The following RNF220 variants were observed in gnomAD, a reference collection of about 807,000 sequenced individuals.
RNF220 encodes E3 ubiquitin-protein ligase RNF220.
In RNF220, 7 loss-of-function variants were observed where a neutral mutation model predicts 67.1. The ratio of observed to expected loss-of-function variants is 0.10; its 90% CI spans 0.06 to 0.20. The LOEUF is 0.20. Ranked by LOEUF, RNF220 falls within the 10% of genes least tolerant of loss-of-function variation. The pLI, the probability that RNF220 is intolerant of heterozygous loss-of-function variation, is 1.00. For synonymous variants in RNF220, 270 were observed against 283.2 expected (o/e 0.95, Z 0.47); for missense variants, 565 against 740.3 (o/e 0.76, Z 2.75).
At chr1:44,537,185 A>C (rs961241461) in intron 2 of RNF220, among the ~76,000 whole-genome samples, 1 of 151,984 alleles carries the variant, frequency 6.6e-6, no homozygotes, top group Non-Finnish European at 1.5e-5. Flanking sequence ...ACACACACAC[A>C]AACACCTTTC....
At chr1:44,481,294 G>A (rs910039920) in intron 2 of RNF220, among the ~76,000 whole-genome samples, 4 of 152,010 alleles carry the variant, frequency 2.6e-5, no homozygotes, top group Non-Finnish European at 4.4e-5. Context: ...GTTTGATGAC[G>A]TGCACCTGTA....
chr1:44,562,488 G>C (rs1663650654), intron 2 of RNF220, among the ~76,000 whole-genome samples: 1 of 152,204 alleles, frequency 6.6e-6, no homozygotes, highest in African/African-American at 2.4e-5. Context: ...ACTTTAACAA[G>C]CATCCATAGG....
intron 2 of RNF220, among the ~76,000 whole-genome samples, chr1:44,481,738 CAA>C (rs1655831952): frequency 1.3e-5 from 2 of 152,052 alleles, no homozygotes; most frequent in African/African-American, 4.8e-5. Context: ...GATGTGGAAT[CAA>C]GAGAGAGAAC....
Position 44,600,592 on chromosome 1 carries a change from G to A in RNF220, c.626-13573G>A, listed in dbSNP as rs1319977166. Among the ~76,000 whole-genome samples the A allele has an allele frequency of 6.6e-6, 1 of 152,098 alleles. No homozygotes were observed. The highest frequency in any genetic ancestry group is 1.5e-5 in the Non-Finnish European group (1 of 68,000). Reference sequence around the variant, plus strand: ...TCCCAGCACTTTGGGAGGCCGAGGTGGATGGATCACCTGAGGTCAGGAGTT... The same window carrying A: ...TCCCAGCACTTTGGGAGGCCGAGGTAGATGGATCACCTGAGGTCAGGAGTT... On this transcript the variant is annotated intron_variant, in intron 2 of 14. Transcript: ENST00000361799. The surrounding 1 kb of genome is among the most constrained non-coding windows in gnomAD (Gnocchi z 4.0).
At chr1:44,615,085 G>A (rs555570598) in intron 3 of RNF220, among the ~76,000 whole-genome samples, 7 of 152,256 alleles carry the variant, frequency 4.6e-5, no homozygotes, top group Non-Finnish European at 8.8e-5. Flanking sequence ...GATGCTGGCT[G>A]TCAGCTGGGA....
chr1:44,646,653 G>T (rs374297262), intron 12 of RNF220, among the ~76,000 whole-genome samples: 2 of 152,232 alleles, frequency 1.3e-5, no homozygotes, highest in African/African-American at 4.8e-5. Context: ...TGGCGCCCGA[G>T]GGGGAGGTGG....
rs569270455 is a variant in RNF220 at position 44,649,813 on chromosome 1, C to T, written c.1554+44C>T. On this transcript the variant is annotated intron_variant, in intron 13 of 14. Coordinates refer to ENST00000361799, the MANE Select transcript of RNF220 (RefSeq NM_018150.4). This position sits in a 1 kb window ranked among gnomAD's most constrained non-coding sequence, Gnocchi z 5.9. Reference sequence around the variant, plus strand: ...AGGGGTGCCCTTGGTCAGGCTTCCACGCCCTCTGGGGGAGTTGGAGAGGGT... The same window carrying T: ...AGGGGTGCCCTTGGTCAGGCTTCCATGCCCTCTGGGGGAGTTGGAGAGGGT... The T allele has an allele frequency of 3.5e-5, 56 of 1,613,144 alleles. No individual in the cohort carries two copies. In the East Asian group the frequency reaches 5.1e-4, roughly 15 times the overall value.
chr1:44,609,768 T>C (rs1557433875), intron 2 of RNF220, among the ~76,000 whole-genome samples: 1 of 152,254 alleles, frequency 6.6e-6, no homozygotes, highest in East Asian at 1.9e-4. Context: ...TCGACAGGCC[T>C]GTCCTTCGCA....
chr1:44,458,376 C>T lies in RNF220; in HGVS notation c.625+45654C>T, dbSNP rs543021070. On this transcript the variant is annotated intron_variant, in intron 2 of 14. Transcript: ENST00000361799. Reference sequence around the variant, plus strand: ...TTTACTAATATCATAATGGTTAGGACAGTCTCTCAAGCCAGACCACCTGGG... The same window carrying T: ...TTTACTAATATCATAATGGTTAGGATAGTCTCTCAAGCCAGACCACCTGGG... Among the ~76,000 whole-genome samples the T allele has an allele frequency of 2.0e-4, 30 of 147,518 alleles. 1 individual carries two copies. The East Asian group carries it at 5.6e-3, about 27-fold the overall frequency.
intron 2 of RNF220, among the ~76,000 whole-genome samples, chr1:44,464,057 C>T (rs1207670348): frequency 6.6e-6 from 1 of 152,186 alleles, no homozygotes; most frequent in Admixed American, 6.5e-5. Context: ...AGGGGGCATA[C>T]TATGAACAGT....
At chr1:44,427,995 A>G (rs1205551803) in intron 2 of RNF220, among the ~76,000 whole-genome samples, 6 of 152,196 alleles carry the variant, frequency 3.9e-5, no homozygotes, top group Non-Finnish European at 7.3e-5. Flanking sequence ...AGTTTATGAC[A>G]AGTCTTCCTA....
rs1407830143 is a variant in RNF220 at position 44,645,016 on chromosome 1, C to T, written c.1245C>T (p.Ile415=). The change falls in exon 10 of 15, where the codon ATC becomes ATT. Residue 415 remains isoleucine (I), a synonymous_variant. Coordinates refer to ENST00000361799, the MANE Select transcript of RNF220 (RefSeq NM_018150.4). This position sits in a 1 kb window ranked among gnomAD's most constrained non-coding sequence, Gnocchi z 5.0. ...CCAGATACACAGAGGCTGATGTCAT[C>T]CCCTGCACAGGCGAGGAGCCTGGTG... The part of the protein sequence containing the change: ...GKPQYTEADV[I]PCTGEEPGEA... The T allele has an allele frequency of 1.9e-6, 3 of 1,614,100 alleles. No homozygotes were observed. In the Admixed American group the frequency reaches 5.0e-5, roughly 27 times the overall value.
intron 2 of RNF220, among the ~76,000 whole-genome samples, chr1:44,534,957 G>A (rs1303060572): frequency 2.0e-5 from 3 of 152,090 alleles, no homozygotes; most frequent in East Asian, 3.8e-4. Context: ...TATTTAGAGC[G>A]GGAAAGGGGG....
At chr1:44,431,849 A>G (rs146848061) in intron 2 of RNF220, among the ~76,000 whole-genome samples, 2 of 152,348 alleles carry the variant, frequency 1.3e-5, no homozygotes, top group Non-Finnish European at 2.9e-5. Context: ...GCTGATAGTA[A>G]GGCATGGCTA....
At chr1:44,461,920 C>CTTTTTTTTTTTTTTTTTTTTT (rs1445179984) in intron 2 of RNF220, among the ~76,000 whole-genome samples, 1 of 118,168 alleles carries the variant, frequency 8.5e-6, no homozygotes, top group African/African-American at 3.4e-5. Context: ...TTTCTTTTTT[C>CTTTTTTTTTTTTTTTTTTTTT]TTTGTTTTTT....
In RNF220 at chr1:44,649,277, C is replaced by A; in HGVS notation, c.1446-384C>A. The A allele has an allele frequency of 3.5e-6, 1 of 282,590 alleles. No individual in the cohort carries two copies. Among genetic ancestry groups the A allele is most frequent in the South Asian group, 3.6e-5 (1 of 27,630 alleles). The allele number at this position is 282,590 out of a possible 1,614,324, so 17.5% of individuals were successfully genotyped here. ...GGAATAGAGATGAGGGGCCTGGAGG[C>A]AGAAAGGCTGTCTGGAAAAAGTTAG... On this transcript the variant is annotated intron_variant, in intron 12 of 14. Coordinates refer to ENST00000361799, the MANE Select transcript of RNF220 (RefSeq NM_018150.4). This position sits in a 1 kb window ranked among gnomAD's most constrained non-coding sequence, Gnocchi z 5.9.
chr1:44,626,186 C>T lies in RNF220; in HGVS notation c.805-111C>T, dbSNP rs976767406. The T allele has an allele frequency of 2.4e-5, 18 of 738,558 alleles. No homozygotes were observed. In the East Asian group the frequency reaches 4.8e-4, roughly 20 times the overall value. The allele number at this position is 738,558 out of a possible 1,614,324, so 45.8% of individuals were successfully genotyped here. On this transcript the variant is annotated intron_variant, in intron 4 of 14. Transcript: ENST00000361799. ...TCTCAAGAGTGGTCTTTCTATCCCT[C>T]AGCCTCCTTCTCTTTGCCTGGCTCC...
At position 44,649,424 on chromosome 1, in the gene RNF220, A is replaced by T; in HGVS notation, c.1446-237A>T. On this transcript the variant is annotated intron_variant, in intron 12 of 14. Coordinates refer to ENST00000361799, the MANE Select transcript of RNF220 (RefSeq NM_018150.4). This position sits in a 1 kb window ranked among gnomAD's most constrained non-coding sequence, Gnocchi z 5.9. ...GAAGACTGCGAAGGAGTGGTTGAAAATGGTTCCCTGGTATCTGGTGTAGAA... is the reference window on the plus strand; with the variant it reads ...GAAGACTGCGAAGGAGTGGTTGAAATTGGTTCCCTGGTATCTGGTGTAGAA... The T allele has an allele frequency of 1.8e-6, 1 of 570,882 alleles. No homozygotes were observed. The allele number at this position is 570,882 out of a possible 1,614,324, so 35.4% of individuals were successfully genotyped here. A position where few individuals can be genotyped will look rare whatever the true frequency, so the allele number is the denominator to read the frequency against.
At chr1:44,581,950 G>A (rs1230265107) in intron 2 of RNF220, among the ~76,000 whole-genome samples, 1 of 152,212 alleles carries the variant, frequency 6.6e-6, no homozygotes. Context: ...GTGGCCAAGG[G>A]AAGCGCCCAC....
Sources: allele counts gnomAD v4.1 joint callset (sites outside exome capture counted in the v4.1 genomes callset), GRCh38; gene constraint gnomAD v4.1.1; non-coding constraint Gnocchi (gnomAD v3.1); transcripts MANE v1.5; gene names NCBI Gene and HGNC (gene_info 2026-07-23, HGNC 2026-07-21).